The following CCDC171 variants were observed in gnomAD, a reference collection of about 807,000 sequenced individuals.
CCDC171 encodes the protein coiled-coil domain-containing protein 171.
Under a neutral mutation model 168.2 loss-of-function variants are expected in CCDC171, and 177 were observed. The observed-to-expected ratio is 1.05, with a 90% CI of 0.93 to 1.19. The LOEUF is 1.19. Ranked by LOEUF, CCDC171 falls within the 50% of genes most tolerant of loss-of-function variation. The pLI, the probability that CCDC171 is intolerant of heterozygous loss-of-function variation, is 0.00. For synonymous variants in CCDC171, 687 were observed against 540.8 expected, an observed-to-expected ratio of 1.27 and a Z score of -3.75; for missense variants, 1,991 against 1,539.0, an observed-to-expected ratio of 1.29 and a Z score of -4.91.
intron 7 of CCDC171, among the ~76,000 whole-genome samples, chr9:15,637,178 C>T (rs2046263825): frequency 3.3e-5 from 5 of 152,106 alleles, no homozygotes; most frequent in Admixed American, 3.3e-4. Context: ...ATCACTTGAA[C>T]CTGGGAGGTG....
At chr9:16,105,370 C>A in the CCDC171 span, among the ~76,000 whole-genome samples, 5 of 152,136 alleles carry the variant, frequency 3.3e-5, no homozygotes, top group Admixed American at 2.0e-4. Flanking sequence ...AAAAAGCACA[C>A]ACTCCCTGTC....
chr9:15,678,046 A>T (rs1382782213), intron 9 of CCDC171, among the ~76,000 whole-genome samples: 7 of 149,742 alleles, frequency 4.7e-5, no homozygotes, highest in African/African-American at 1.7e-4. Context: ...AGTATCTGGG[A>T]CTACAGACAC....
intron 24 of CCDC171, among the ~76,000 whole-genome samples, chr9:15,901,202 G>A (rs1821600820): frequency 6.6e-6 from 1 of 152,064 alleles, no homozygotes; most frequent in African/African-American, 2.4e-5. Flanking sequence ...GGGAGCGAGG[G>A]ATGAATCTGC....
chr9:16,070,442 G>C, the CCDC171 span, among the ~76,000 whole-genome samples: 1 of 152,184 alleles, frequency 6.6e-6, no homozygotes, highest in East Asian at 1.9e-4. Flanking sequence ...CTCACATTAC[G>C]AGCTCCCTTG....
At chr9:15,623,506 CATAAA>C in intron 7 of CCDC171, 93 bp downstream of exon 7, 3 of 656,254 alleles carry the variant, frequency 4.6e-6, no homozygotes, top group Admixed American at 3.2e-5. Flanking sequence ...CACACACACA[CATAAA>C]ACCCATTCCG....
At chr9:15,569,520 A>G (rs2040028071) in intron 2 of CCDC171, among the ~76,000 whole-genome samples, 1 of 152,270 alleles carries the variant, frequency 6.6e-6, no homozygotes, top group African/African-American at 2.4e-5. Context: ...AATTTAAAAA[A>G]TTTTCTATTT....
At chr9:15,695,945 G>C (rs1234355755) in intron 11 of CCDC171, among the ~76,000 whole-genome samples, 2 of 152,098 alleles carry the variant, frequency 1.3e-5, no homozygotes, top group Admixed American at 6.5e-5. Flanking sequence ...AAAAGCAATG[G>C]CTGGCTAATG....
chr9:15,865,119 T>G (rs1263245740), intron 23 of CCDC171, among the ~76,000 whole-genome samples: 1 of 152,036 alleles, frequency 6.6e-6, no homozygotes, highest in East Asian at 1.9e-4. Context: ...ATCCTTTAAA[T>G]TTATCGGACT....
At chr9:15,940,099 A>C (rs1827548656) in intron 25 of CCDC171, among the ~76,000 whole-genome samples, 1 of 151,936 alleles carries the variant, frequency 6.6e-6, no homozygotes, top group African/African-American at 2.4e-5. Flanking sequence ...ATGCCATACA[A>C]CTTTATATCA....
chr9:15,948,288 G>A (rs1274361015), intron 25 of CCDC171, among the ~76,000 whole-genome samples: 1 of 145,722 alleles, frequency 6.9e-6, no homozygotes, highest in African/African-American at 2.5e-5. Context: ...ATAAACATAG[G>A]TGTGCATGTG....
intron 25 of CCDC171, among the ~76,000 whole-genome samples, chr9:15,927,620 A>G (rs1157499485): frequency 6.6e-6 from 1 of 151,678 alleles, no homozygotes; most frequent in South Asian, 2.1e-4. Context: ...TTGCGGGAGA[A>G]ATATCTTTGC....
the CCDC171 span, among the ~76,000 whole-genome samples, chr9:16,108,381 G>C: frequency 6.6e-6 from 1 of 152,162 alleles, no homozygotes; most frequent in Non-Finnish European, 1.5e-5. Context: ...TTGGAGGCTT[G>C]TGAATTTTAT....
chr9:15,572,090 T>C (rs2040271005), intron 3 of CCDC171, among the ~76,000 whole-genome samples: 1 of 152,184 alleles, frequency 6.6e-6, no homozygotes, highest in Non-Finnish European at 1.5e-5. Flanking sequence ...TCCTTTAAGG[T>C]CTCCATTATG....
intron 23 of CCDC171, among the ~76,000 whole-genome samples, chr9:15,856,374 A>G (rs1420430692): frequency 1.3e-5 from 2 of 150,980 alleles, no homozygotes; most frequent in African/African-American, 2.4e-5. Flanking sequence ...CCACCATTCT[A>G]CTCTCCGTTT....
intron 18 of CCDC171, among the ~76,000 whole-genome samples, chr9:15,754,807 G>A (rs2055996103): frequency 6.6e-6 from 1 of 152,230 alleles, no homozygotes; most frequent in Admixed American, 6.5e-5. Flanking sequence ...GTGCTTAGAA[G>A]AGTCTTTGAT....
chr9:15,755,114 TTAATCAA>T (rs2134949773), intron 18 of CCDC171, among the ~76,000 whole-genome samples: 1 of 152,260 alleles, frequency 6.6e-6, no homozygotes, highest in African/African-American at 2.4e-5. Context: ...TTAAAATACC[TTAATCAA>T]ATAGGAATTT....
chr9:15,938,674 T>G (rs1413906442), intron 25 of CCDC171, among the ~76,000 whole-genome samples: 1 of 151,882 alleles, frequency 6.6e-6, no homozygotes, highest in Non-Finnish European at 1.5e-5. Flanking sequence ...GAAATAGCTG[T>G]CTTTCCCAGA....
At chr9:15,678,573 T>G (rs2049806990) in intron 9 of CCDC171, among the ~76,000 whole-genome samples, 185 bp from the exon 10 acceptor site, 1 of 152,170 alleles carries the variant, frequency 6.6e-6, no homozygotes, top group African/African-American at 2.4e-5. Context: ...GGGAAAGTAA[T>G]ATTGCTTTGA....
At chr9:15,772,351 C>CT (rs368383020) in intron 18 of CCDC171, among the ~76,000 whole-genome samples, 2,694 of 148,774 alleles carry the variant, frequency 0.018, 96 homozygotes, top group African/African-American at 0.062. Flanking sequence ...TCGCTTACTA[C>CT]TTTTTTTTTT....
Sources: gnomAD v4.1 joint callset for allele counts (sites outside exome capture counted in the v4.1 genomes callset) on GRCh38, gnomAD v4.1.1 for gene constraint, MANE v1.5 for transcripts, NCBI Gene and HGNC (gene_info 2026-07-23, HGNC 2026-07-21) for gene names.